Variants in MAPKAP1 observed in about 807,000 individuals in gnomAD.
MAPKAP1 encodes the protein target of rapamycin complex 2 subunit MAPKAP1.
A neutral mutation model predicts 65.7 loss-of-function variants in MAPKAP1; 20 were observed. The observed-to-expected ratio is 0.30, with a 90% CI of 0.21 to 0.44. MAPKAP1 has a LOEUF of 0.44. Among genes scored for constraint, MAPKAP1 ranks in the 20% least tolerant of loss-of-function variants. The pLI, the probability that MAPKAP1 is intolerant of heterozygous loss-of-function variation, is 1.00. For synonymous variants in MAPKAP1, 222 were observed against 244.3 expected (o/e 0.91, Z 0.85); for missense variants, 423 against 648.0 (o/e 0.65, Z 3.77).
intron 4 of MAPKAP1, among the ~76,000 whole-genome samples, chr9:125,628,564 T>C (rs1170416492): frequency 1.3e-5 from 2 of 151,908 alleles, no homozygotes; most frequent in African/African-American, 4.8e-5. Context: ...CAGACAAAAA[T>C]TGACTCAAAA....
intron 4 of MAPKAP1, among the ~76,000 whole-genome samples, chr9:125,640,623 T>C (rs933318291): frequency 1.3e-5 from 2 of 152,234 alleles, no homozygotes; most frequent in African/African-American, 4.8e-5. Context: ...ACCATAATAC[T>C]ATGTAATTCT....
intron 2 of MAPKAP1, among the ~76,000 whole-genome samples, chr9:125,670,229 A>C (rs887826608): frequency 1.3e-5 from 2 of 152,178 alleles, no homozygotes; most frequent in Non-Finnish European, 2.9e-5. Context: ...AACGGTCTTA[A>C]AGGAATTTTA....
Position 125,438,815 on chromosome 9 carries a change from G to A in MAPKAP1, c.*72C>T, listed in dbSNP as rs1404731071. The stretch of plus-strand genomic sequence containing the variant: ...CCCCCCGAGGACTTCAGGACACCGG[G>A]TGGACTCTAGGGCACTTGGCCCTGG... On this transcript the variant is annotated 3_prime_UTR_variant, in exon 12 of 12. Coordinates refer to ENST00000265960, the MANE Select transcript of MAPKAP1 (RefSeq NM_001006617.3). 3.1e-6 allele frequency: 5 copies of A among 1,595,904 alleles called. No homozygotes were observed. Among genetic ancestry groups the A allele is most frequent in the Non-Finnish European group, 4.3e-6 (5 of 1,168,460 alleles).
chr9:125,549,613 A>T (rs941619237), intron 6 of MAPKAP1, among the ~76,000 whole-genome samples: 5 of 152,226 alleles, frequency 3.3e-5, no homozygotes, highest in African/African-American at 1.2e-4. Flanking sequence ...TTCCAAAAAC[A>T]TAACTCGCTA....
intron 10 of MAPKAP1, among the ~76,000 whole-genome samples, chr9:125,463,139 C>A (rs921932037): frequency 1.3e-5 from 2 of 152,208 alleles, no homozygotes; most frequent in African/African-American, 2.4e-5. Flanking sequence ...GATAGCAAGA[C>A]GTATAATGGG....
At chr9:125,523,447 C>A (rs868800686) in intron 7 of MAPKAP1, among the ~76,000 whole-genome samples, 7 of 152,174 alleles carry the variant, frequency 4.6e-5, no homozygotes, top group Middle Eastern at 3.4e-3. Context: ...CCAATGAGCC[C>A]CAAGAGTGGG....
chr9:125,656,991 T>G (rs754253451), intron 4 of MAPKAP1, among the ~76,000 whole-genome samples: 2 of 152,272 alleles, frequency 1.3e-5, no homozygotes, highest in Admixed American at 6.5e-5. Flanking sequence ...TTAGCCTCCA[T>G]AGCAAGTGTC....
chr9:125,497,092 G>A (rs1417300483), intron 8 of MAPKAP1, among the ~76,000 whole-genome samples: 1 of 152,154 alleles, frequency 6.6e-6, no homozygotes, highest in African/African-American at 2.4e-5. Context: ...GCTCCTAGGA[G>A]TTGCCTCCTC....
At chr9:125,614,237 C>T (rs917669279) in intron 4 of MAPKAP1, among the ~76,000 whole-genome samples, 1 of 152,172 alleles carries the variant, frequency 6.6e-6, no homozygotes, top group Non-Finnish European at 1.5e-5. Flanking sequence ...ACCAACCCAG[C>T]AAGATATAAA....
At chr9:125,628,733 CT>C (rs1395017937) in intron 4 of MAPKAP1, among the ~76,000 whole-genome samples, 2 of 152,060 alleles carry the variant, frequency 1.3e-5, no homozygotes, top group Non-Finnish European at 2.9e-5. Context: ...CTATATCAAA[CT>C]CAAAAACTTC....
intron 7 of MAPKAP1, among the ~76,000 whole-genome samples, chr9:125,519,768 G>T (rs1284265170): frequency 6.6e-6 from 1 of 151,758 alleles, no homozygotes; most frequent in Non-Finnish European, 1.5e-5. Context: ...ACCATGGCCT[G>T]ATAACTATGC....
chr9:125,469,857 C>T (rs1417305072), intron 9 of MAPKAP1, among the ~76,000 whole-genome samples: 2 of 152,230 alleles, frequency 1.3e-5, no homozygotes, highest in East Asian at 3.9e-4. Flanking sequence ...CCAATTTGGT[C>T]ATTAATTGTT....
intron 4 of MAPKAP1, among the ~76,000 whole-genome samples, chr9:125,633,954 T>C (rs1227812320): frequency 6.6e-6 from 1 of 152,220 alleles, no homozygotes; most frequent in Non-Finnish European, 1.5e-5. Context: ...ATTCTGACAT[T>C]AATATGCTGG....
At chr9:125,702,239 T>A (rs750947554) in intron 1 of MAPKAP1, among the ~76,000 whole-genome samples, 1 of 151,910 alleles carries the variant, frequency 6.6e-6, no homozygotes, top group Non-Finnish European at 1.5e-5. Context: ...TCTACAAAAT[T>A]TTTTTAAAAA....
At chr9:125,540,141 T>C (rs577811515) in intron 7 of MAPKAP1, among the ~76,000 whole-genome samples, 15 of 152,186 alleles carry the variant, frequency 9.9e-5, no homozygotes, top group Non-Finnish European at 1.9e-4. Context: ...AGGGCTTCAA[T>C]TGGCAAAGCT....
In MAPKAP1 at chr9:125,438,820, C is replaced by T; in HGVS notation, c.*67G>A. 1 of 1,605,710 alleles carries T rather than the reference C, an allele frequency of 6.2e-7. No homozygotes were observed. Among genetic ancestry groups the T allele is most frequent in the Non-Finnish European group, 8.5e-7 (1 of 1,175,128 alleles). The stretch of plus-strand genomic sequence containing the variant: ...CGAGGACTTCAGGACACCGGGTGGA[C>T]TCTAGGGCACTTGGCCCTGGCAGGC... On this transcript the variant is annotated 3_prime_UTR_variant, in exon 12 of 12. Transcript: ENST00000265960.
At chr9:125,475,300 G>A (rs889741357) in intron 9 of MAPKAP1, among the ~76,000 whole-genome samples, 3 of 152,172 alleles carry the variant, frequency 2.0e-5, no homozygotes, top group South Asian at 2.1e-4. Flanking sequence ...ATAAAAAAGC[G>A]CTGTCTCCAG....
intron 3 of MAPKAP1, among the ~76,000 whole-genome samples, chr9:125,667,605 G>T (rs1181936286): frequency 1.3e-5 from 2 of 152,134 alleles, no homozygotes; most frequent in African/African-American, 4.8e-5. Flanking sequence ...TAGAAATGGG[G>T]TTTCACTATG....
intron 4 of MAPKAP1, among the ~76,000 whole-genome samples, chr9:125,637,744 T>A (rs1833465804): frequency 6.6e-6 from 1 of 152,224 alleles, no homozygotes; most frequent in Non-Finnish European, 1.5e-5. Flanking sequence ...TAAAGTAGCA[T>A]ACCCACAATA....
Sources: gnomAD v4.1 joint callset for allele counts (sites outside exome capture counted in the v4.1 genomes callset) on GRCh38, gnomAD v4.1.1 for gene constraint, MANE v1.5 for transcripts, NCBI Gene and HGNC (gene_info 2026-07-23, HGNC 2026-07-21) for gene names.